The following PARD3 variants were observed in gnomAD, a reference collection of about 807,000 sequenced individuals.
The protein encoded by PARD3 is partitioning defective 3 homolog.
A neutral mutation model predicts 155.4 loss-of-function variants in PARD3; 75 were observed. The observed-to-expected ratio is 0.48, with a 90% CI of 0.40 to 0.58. PARD3 has a LOEUF of 0.58. PARD3 is among the 20% of genes least tolerant of loss of function. The probability of loss-of-function intolerance (pLI) is 0.00; values close to 1 mark genes in which losing one functional copy is unlikely to be tolerated. For missense variants in PARD3, 1,642 were observed against 1,721.7 expected (o/e 0.95, Z 0.82); for synonymous variants, 576 against 610.5 (o/e 0.94, Z 0.83).
intron 22 of PARD3, among the ~76,000 whole-genome samples, chr10:34,159,131 T>C (rs1949151213): frequency 1.3e-5 from 2 of 152,256 alleles, no homozygotes; most frequent in Non-Finnish European, 2.9e-5. Context: ...AAAGGTGCTG[T>C]ACAAACAGTT....
chr10:34,352,362 C>G lies in PARD3; in HGVS notation c.2068-4247G>C, dbSNP rs113036511. ...TGCTCCCCTCTCCCCTCTCCCCTCTCCCTCCACTTTCCATGGTCTCCCTCT... is the reference window on the plus strand; with the variant it reads ...TGCTCCCCTCTCCCCTCTCCCCTCTGCCTCCACTTTCCATGGTCTCCCTCT... On this transcript the variant is annotated intron_variant, in intron 14 of 24. Transcript: ENST00000374788. Among the ~76,000 whole-genome samples, 851 of 152,316 alleles carry G rather than the reference C, an allele frequency of 5.6e-3. 7 individuals are homozygous for G. The highest frequency in any genetic ancestry group is 0.019 in the African/African-American group (807 of 41,572).
chr10:34,296,219 T>A (rs1956903593), intron 20 of PARD3, among the ~76,000 whole-genome samples: 1 of 152,228 alleles, frequency 6.6e-6, no homozygotes, highest in African/African-American at 2.4e-5. Flanking sequence ...GGCCCAACTA[T>A]TAGCCTTTGC....
intron 1 of PARD3, among the ~76,000 whole-genome samples, chr10:34,749,672 T>C (rs918532868): frequency 1.3e-5 from 2 of 152,148 alleles, no homozygotes; most frequent in Non-Finnish European, 2.9e-5. Context: ...GCCGGATATA[T>C]GGACTTCTTG....
At chr10:34,527,828 C>T (rs2082581708) in intron 2 of PARD3, among the ~76,000 whole-genome samples, 1 of 152,136 alleles carries the variant, frequency 6.6e-6, no homozygotes, top group Non-Finnish European at 1.5e-5. Context: ...CACCCAGGGG[C>T]AAAGATGAAA....
intron 3 of PARD3, among the ~76,000 whole-genome samples, chr10:34,484,733 T>C (rs1253188498): frequency 6.6e-6 from 1 of 152,314 alleles, no homozygotes; most frequent in South Asian, 2.1e-4. Context: ...TACACAGCAC[T>C]ACAGGAACAT....
At chr10:34,811,310 C>G (rs1241479267) in intron 1 of PARD3, among the ~76,000 whole-genome samples, 1 of 152,180 alleles carries the variant, frequency 6.6e-6, no homozygotes, top group Non-Finnish European at 1.5e-5. Context: ...GGGCTGAATG[C>G]CTGAATCGCC....
At chr10:34,339,659 T>C (rs1589231699) in intron 16 of PARD3, among the ~76,000 whole-genome samples, 1 of 152,352 alleles carries the variant, frequency 6.6e-6, no homozygotes. Context: ...GTATATTCTA[T>C]AAGTAAACAA....
chr10:34,524,204 A>G (rs1000416910), intron 2 of PARD3, among the ~76,000 whole-genome samples: 10 of 152,358 alleles, frequency 6.6e-5, no homozygotes, highest in African/African-American at 2.4e-4. Flanking sequence ...ATCATGCAGG[A>G]GAGGGCAGAA....
chr10:34,359,030 G>T, intron 14 of PARD3, 117 bp downstream of exon 14: 1 of 677,340 alleles, frequency 1.5e-6, no homozygotes, highest in South Asian at 2.2e-5. Context: ...AATAAGCAAA[G>T]ATAATTTATG....
intron 2 of PARD3, among the ~76,000 whole-genome samples, chr10:34,517,878 G>GT (rs1247604204): frequency 2.0e-5 from 3 of 152,022 alleles, no homozygotes; most frequent in African/African-American, 7.2e-5. Flanking sequence ...TTGTTTGTTT[G>GT]TTTGTTTTGT....
chr10:34,111,572 A>G lies in PARD3; in HGVS notation c.3669-10T>C, dbSNP rs750480728. ...ATTTTTCCTGCTTTGCCTAGAAAGC[A>G]AAACCCAAAGGTTAGTGTGAGGGTA... On this transcript the variant is annotated splice_polypyrimidine_tract_variant and intron_variant, in intron 24 of 24. Transcript: ENST00000374788. 3 of 1,588,816 alleles carry G rather than the reference A, an allele frequency of 1.9e-6. No homozygotes were observed. The highest frequency in any genetic ancestry group is 2.6e-6 in the Non-Finnish European group (3 of 1,164,062).
At position 34,614,217 on chromosome 10, in the gene PARD3, G is replaced by A. The variant is rs1450760634; in HGVS notation, c.222+82101C>T. 2.6e-5 allele frequency among the ~76,000 whole-genome samples: 4 copies of A among 152,268 alleles called. No homozygotes were observed. The East Asian group carries it at 5.8e-4, about 22-fold the overall frequency. The stretch of plus-strand genomic sequence containing the variant: ...CCAATGACCTCTCTCCTTTTGCTCC[G>A]CTACATGGGATGAAGGACTAAATCT... On this transcript the variant is annotated intron_variant, in intron 2 of 24. Transcript: ENST00000374788.
intron 1 of PARD3, among the ~76,000 whole-genome samples, chr10:34,811,733 T>A (rs530120747): frequency 1.3e-5 from 2 of 152,304 alleles, no homozygotes; most frequent in South Asian, 4.1e-4. Flanking sequence ...TCATAGAGCA[T>A]GACTTTTTAT....
At chr10:34,501,888 C>A (rs933950017) in intron 3 of PARD3, among the ~76,000 whole-genome samples, 3 of 152,094 alleles carry the variant, frequency 2.0e-5, no homozygotes, top group African/African-American at 7.2e-5. Context: ...GAGTGGAAAT[C>A]CTAATCCCCA....
intron 2 of PARD3, among the ~76,000 whole-genome samples, chr10:34,555,529 T>C (rs1175414015): frequency 2.0e-5 from 3 of 152,146 alleles, no homozygotes; most frequent in African/African-American, 7.2e-5. Flanking sequence ...AAGTACAGGA[T>C]CACAGAATAA....
chr10:34,119,652 C>T lies in PARD3; in HGVS notation c.3629G>A (p.Ser1210Asn), dbSNP rs1400709745. Residue 1210 changes from serine (S) to asparagine (N), a missense_variant, in exon 24 of 25, where the codon AGC becomes AAC. By Grantham distance (46) the Ser-to-Asn change is conservative. Transcript: ENST00000374788. ...GTACTGGCGCTGGGCCTGCTGGGAG[C>T]TCTCGCGCTCCTCCTGCCGCTGCCG... ...MQRQRQEERE[S>N]SQQAQRQYSS... 4 of 1,610,678 alleles carry T rather than the reference C, an allele frequency of 2.5e-6. No individual in the cohort carries two copies. The South Asian group carries it at 3.3e-5, about 13-fold the overall frequency.
chr10:34,217,680 A>G (rs1380897087), intron 22 of PARD3, among the ~76,000 whole-genome samples: 1 of 152,164 alleles, frequency 6.6e-6, no homozygotes, highest in Non-Finnish European at 1.5e-5. Flanking sequence ...AGAGGCAGTC[A>G]TGCATGACTG....
At chr10:34,580,185 G>A (rs1389534551) in intron 2 of PARD3, among the ~76,000 whole-genome samples, 1 of 152,138 alleles carries the variant, frequency 6.6e-6, no homozygotes, top group African/African-American at 2.4e-5. Flanking sequence ...AAAGTGCTGA[G>A]ATTATAAACG....
chr10:34,499,007 A>G (rs1055316150), intron 3 of PARD3, among the ~76,000 whole-genome samples: 2 of 152,206 alleles, frequency 1.3e-5, no homozygotes, highest in African/African-American at 4.8e-5. Flanking sequence ...TTCATTACCA[A>G]TAGATGGTGA....
Sources: gnomAD v4.1 joint callset for allele counts (sites outside exome capture counted in the v4.1 genomes callset) on GRCh38, gnomAD v4.1.1 for gene constraint, MANE v1.5 for transcripts, NCBI Gene and HGNC (gene_info 2026-07-23, HGNC 2026-07-21) for gene names.